CLIP4: variants seen among roughly 807,000 people sequenced by gnomAD.
CLIP4 encodes the protein CAP-Gly domain containing linker protein family member 4, also known as CAP-Gly domain-containing linker protein 4.
In CLIP4, 47 loss-of-function variants were observed where a neutral mutation model predicts 73.1. That is an observed-to-expected ratio of 0.64 (90% CI 0.51 to 0.82). The LOEUF is 0.82. CLIP4 is among the 40% of genes least tolerant of loss of function. The pLI is 0.00. For synonymous variants in CLIP4, 306 were observed against 295.4 expected (o/e 1.04, Z -0.37); for missense variants, 874 against 852.9 (o/e 1.02, Z -0.31).
At chr2:29,120,561 C>T (rs1664185973) in intron 1 of CLIP4, among the ~76,000 whole-genome samples, 1 of 152,106 alleles carries the variant, frequency 6.6e-6, no homozygotes, top group South Asian at 2.1e-4. Flanking sequence ...GTTTTGCTTA[C>T]ATTTTAAAAA....
chr2:29,130,110 G>C (rs1392626766), intron 2 of CLIP4: 1 of 470,282 alleles, frequency 2.1e-6, no homozygotes, highest in Non-Finnish European at 4.4e-6. Flanking sequence ...GGAGAGCTCA[G>C]ATTCAAAAGA....
intron 14 of CLIP4, among the ~76,000 whole-genome samples, chr2:29,173,351 T>G (rs1371361406): frequency 6.6e-6 from 1 of 152,220 alleles, no homozygotes; most frequent in South Asian, 2.1e-4. Context: ...GAACGGTGTT[T>G]CGTTTTGTTT....
At chr2:29,166,359 G>C (rs1299051439) in intron 13 of CLIP4, among the ~76,000 whole-genome samples, 1 of 151,808 alleles carries the variant, frequency 6.6e-6, no homozygotes, top group Non-Finnish European at 1.5e-5. Flanking sequence ...TCCTATCCCA[G>C]AATCTTTGCA....
intron 11 of CLIP4, among the ~76,000 whole-genome samples, chr2:29,159,224 A>G (rs575143481): frequency 6.4e-4 from 97 of 152,136 alleles, no homozygotes; most frequent in African/African-American, 2.3e-3. Flanking sequence ...TTCCTTGTTT[A>G]GTTGCTGTGT....
intron 14 of CLIP4, among the ~76,000 whole-genome samples, chr2:29,169,214 C>T (rs116158581): frequency 0.012 from 1,801 of 152,190 alleles, 25 homozygotes; most frequent in Non-Finnish European, 0.019. Context: ...CTCACAATTT[C>T]GGAGGCTCTA....
chr2:29,119,292 A>G lies in CLIP4; in HGVS notation c.-15-2082A>G, dbSNP rs1040986648. Among the ~76,000 whole-genome samples, 8 of 152,220 alleles carry G rather than the reference A, an allele frequency of 5.3e-5. No individual in the cohort carries two copies. The South Asian group carries it at 1.2e-3, about 24-fold the overall frequency. On this transcript the variant is annotated intron_variant, in intron 1 of 15. Coordinates refer to ENST00000320081, the MANE Select transcript of CLIP4 (RefSeq NM_024692.6). ...TTAAATATGTGTAACACACTATTCT[A>G]GCTCCTGTGGTGACTGCTAGTTGTG...
chr2:29,118,517 A>ATTT (rs34856696), intron 1 of CLIP4, among the ~76,000 whole-genome samples: 3 of 138,940 alleles, frequency 2.2e-5, no homozygotes, highest in Non-Finnish European at 3.1e-5. Context: ...ATTAGTGCCA[A>ATTT]TTTTTTTTTT....
chr2:29,152,032 T>A (rs1205314526), intron 8 of CLIP4, among the ~76,000 whole-genome samples: 3 of 152,160 alleles, frequency 2.0e-5, no homozygotes, highest in Non-Finnish European at 2.9e-5. Context: ...AAGATTATAT[T>A]TTATAGTCAG....
chr2:29,152,631 C>T lies in CLIP4; in HGVS notation c.1022-54C>T, dbSNP rs1462986674. On this transcript the variant is annotated intron_variant, in intron 8 of 15. Coordinates refer to ENST00000320081, the MANE Select transcript of CLIP4 (RefSeq NM_024692.6). ...TGTTACTAATTAGTTGTACTTGTTC[C>T]TTTATTTGAAATGTTTTAATTGTTT... 3.2e-6 allele frequency: 5 copies of T among 1,567,672 alleles called. No individual in the cohort carries two copies. In the African/African-American group the frequency reaches 6.8e-5, roughly 21 times the overall value.
At chr2:29,118,132 G>C (rs1405913056) in intron 1 of CLIP4, 1 of 152,186 alleles carries the variant, frequency 6.6e-6, no homozygotes, top group Admixed American at 6.5e-5. Context: ...TTGAATGAAA[G>C]GGCCTCATGA....
intron 7 of CLIP4, among the ~76,000 whole-genome samples, chr2:29,144,798 C>CTTTTTTTTT (rs34304199): frequency 3.6e-5 from 3 of 84,298 alleles, no homozygotes; most frequent in African/African-American, 1.0e-4. Flanking sequence ...AGTTATATCC[C>CTTTTTTTTT]TTTTTTTTTT....
chr2:29,146,313 A>G (rs1666162788), intron 8 of CLIP4, among the ~76,000 whole-genome samples: 1 of 152,172 alleles, frequency 6.6e-6, no homozygotes, highest in African/African-American at 2.4e-5. Context: ...TTGGTTATCA[A>G]GGAAGTACAG....
intron 1 of CLIP4, among the ~76,000 whole-genome samples, chr2:29,107,358 G>GTTTTTTTTGTTTTTTTTTT (rs1668240486): frequency 1.5e-5 from 1 of 65,352 alleles, no homozygotes; most frequent in Non-Finnish European, 3.0e-5. Context: ...GAACATGATA[G>GTTTTTTTTGTTTTTTTTTT]TTTTTTTTTT....
chr2:29,153,767 C>T (rs572790034), intron 9 of CLIP4, among the ~76,000 whole-genome samples: 1 of 152,130 alleles, frequency 6.6e-6, no homozygotes, highest in Non-Finnish European at 1.5e-5. Flanking sequence ...TATTCTGTTC[C>T]ACTGGGCTAT....
chr2:29,113,558 G>A (rs141455371), upstream of CLIP4, among the ~76,000 whole-genome samples: 2 of 152,224 alleles, frequency 1.3e-5, no homozygotes, highest in Admixed American at 6.5e-5. The surrounding 1 kb of genome is among the most constrained non-coding windows in gnomAD (Gnocchi z 4.0). Context: ...AGGCAACTAA[G>A]TGAGTGGGAG....
In CLIP4 at chr2:29,159,095, A is replaced by C. The variant is rs367845376; in HGVS notation, c.1400-1238A>C. 7.9e-5 allele frequency among the ~76,000 whole-genome samples: 12 copies of C among 152,124 alleles called. 1 individual carries two copies. Among genetic ancestry groups the C allele is most frequent in the East Asian group, 5.8e-4 (3 of 5,204 alleles). Reference sequence around the variant, plus strand: ...TAGTTAATTCCTGAGTTTGTATCTTATTTTTCAGCATAATTTTTAGGAAAA... The same window carrying C: ...TAGTTAATTCCTGAGTTTGTATCTTCTTTTTCAGCATAATTTTTAGGAAAA... On this transcript the variant is annotated intron_variant, in intron 11 of 15. Coordinates refer to ENST00000320081, the MANE Select transcript of CLIP4 (RefSeq NM_024692.6).
chr2:29,165,090 A>C (rs1423330415), intron 13 of CLIP4, among the ~76,000 whole-genome samples: 1 of 152,158 alleles, frequency 6.6e-6, no homozygotes. Flanking sequence ...GCTGTAAGTT[A>C]TTAGGATCAT....
At position 29,163,881 on chromosome 2, in the gene CLIP4, T is replaced by G. The variant is rs1467407651; in HGVS notation, c.1585T>G (p.Ser529Ala). Reference protein sequence around the residue: ...LEKPHGKNDGSVGGVQYFSCS... With the variant: ...LEKPHGKNDGAVGGVQYFSCS... ...AAAACCCCATGGCAAGAATGATGGT[T>G]CAGTTGGAGGTGTGCAGTATTTTAG... The change falls in exon 13 of 16, where the codon TCA (serine) becomes GCA (alanine). Residue 529 changes from serine to alanine, a missense_variant. Physicochemically the swap from Ser to Ala is moderately conservative, Grantham distance 99. Coordinates refer to ENST00000320081, the MANE Select transcript of CLIP4 (RefSeq NM_024692.6). The G allele has an allele frequency of 1.9e-6, 3 of 1,613,662 alleles. No individual in the cohort carries two copies. Among genetic ancestry groups the G allele is most frequent in the Non-Finnish European group, 2.5e-6 (3 of 1,179,600 alleles).
intron 14 of CLIP4, among the ~76,000 whole-genome samples, chr2:29,169,617 A>C (rs767946550): frequency 6.6e-6 from 1 of 151,664 alleles, no homozygotes; most frequent in Non-Finnish European, 1.5e-5. Context: ...TCTTTTTTGT[A>C]TTTTTTATTG....
Sources: gnomAD v4.1 joint callset for allele counts (sites outside exome capture counted in the v4.1 genomes callset) on GRCh38, gnomAD v4.1.1 for gene constraint, Gnocchi (gnomAD v3.1) non-coding constraint, MANE v1.5 for transcripts, NCBI Gene and HGNC (gene_info 2026-07-23, HGNC 2026-07-21) for gene names.